The following ARID2 variants were observed in gnomAD, a reference collection of about 807,000 sequenced individuals.
ARID2 encodes AT-rich interaction domain 2.
ARID2 carries 32 observed loss-of-function variants against 184.6 expected under a neutral mutation model. The observed-to-expected ratio is 0.17, with a 90% CI of 0.13 to 0.23. The LOEUF (loss-of-function observed/expected upper bound fraction) is 0.23. Among genes scored for constraint, ARID2 ranks in the 10% least tolerant of loss-of-function variants. ARID2 has a pLI of 1.00. For missense variants in ARID2, 1,696 were observed against 2,197.6 expected, an observed-to-expected ratio of 0.77 and a Z score of 4.56; for synonymous variants, 836 against 772.6, an observed-to-expected ratio of 1.08 and a Z score of -1.36.
intron 3 of ARID2, among the ~76,000 whole-genome samples, chr12:45,749,591 A>G (rs1941420841): frequency 6.6e-6 from 1 of 152,206 alleles, no homozygotes; most frequent in East Asian, 1.9e-4. Context: ...AAAGTCTCAG[A>G]TGGCATCTTC....
chr12:45,786,629 A>G (rs565938518), intron 3 of ARID2, among the ~76,000 whole-genome samples: 1 of 152,240 alleles, frequency 6.6e-6, no homozygotes, highest in East Asian at 1.9e-4. Context: ...CAGCGATCCA[A>G]CTACTGGATA....
In ARID2 at chr12:45,846,875, G is replaced by A. The variant is rs148462633; in HGVS notation, c.1518G>A (p.Ala506=). 1,395 of 1,612,952 alleles carry A rather than the reference G, an allele frequency of 8.6e-4. 16 individuals are homozygous for A. The highest frequency in any genetic ancestry group is 1.8e-3 in the Middle Eastern group (11 of 6,054). Reference sequence around the variant, plus strand: ...CTTTAGCTTCCAGAGCAGTTGTAGCGCAGCATGTTGCTCCACCTCCAGGAA... The same window carrying A: ...CTTTAGCTTCCAGAGCAGTTGTAGCACAGCATGTTGCTCCACCTCCAGGAA... The part of the protein sequence containing the change: ...ASAPASRAVV[A]QHVAPPPGIV... The change falls in exon 12 of 21, where the codon GCG becomes GCA. Residue 506 remains alanine, a synonymous_variant. Coordinates refer to ENST00000334344, the MANE Select transcript of ARID2 (RefSeq NM_152641.4).
rs2138082504 is a variant in ARID2, at chr12:45,811,455, G to A, written c.322G>A (p.Glu108Lys). Residue 108 changes from glutamate to lysine, a missense_variant, in exon 4 of 21, where the codon GAG becomes AAG. Transcript: ENST00000334344. Reference protein sequence around the residue: ...EKYEKVHHFGEDDDEVPPGNP... With the variant: ...EKYEKVHHFGKDDDEVPPGNP... ...GTACGAGAAAGTTCATCATTTTGGG[G>A]AGGATGATGATGAGGTACCACCAGG... is the stretch of plus-strand genomic sequence containing the variant. 6.2e-7 allele frequency: 1 copy of A among 1,613,296 alleles called. No homozygotes were observed. The highest frequency in any genetic ancestry group is 8.5e-7 in the Non-Finnish European group (1 of 1,179,480).
At chr12:45,860,021 C>A (rs928765014) in intron 15 of ARID2, among the ~76,000 whole-genome samples, 1 of 152,128 alleles carries the variant, frequency 6.6e-6, no homozygotes, top group Non-Finnish European at 1.5e-5. Context: ...CATGAACCAC[C>A]GTGCCCAGCC....
At chr12:45,731,581 A>T (rs900707660) in intron 3 of ARID2, among the ~76,000 whole-genome samples, 2 of 152,198 alleles carry the variant, frequency 1.3e-5, no homozygotes, top group Non-Finnish European at 2.9e-5. Context: ...CTTTTGTGAC[A>T]TTGTTATTCA....
chr12:45,758,047 A>G (rs1346136259), intron 3 of ARID2, among the ~76,000 whole-genome samples: 1 of 152,216 alleles, frequency 6.6e-6, no homozygotes, highest in Admixed American at 6.5e-5. Context: ...ATTCTTTGAG[A>G]CAACAAAGCG....
In ARID2 at chr12:45,891,865, GA is replaced by G; in HGVS notation, c.5010del (p.Gly1671ValfsTer30). The G allele has an allele frequency of 6.2e-7, 1 of 1,614,206 alleles. No homozygotes were observed. The highest frequency in any genetic ancestry group is 8.5e-7 in the Non-Finnish European group (1 of 1,180,026). ...TGTATATCCAGGGCAGTGTCTTTGG[GA>G]AGGTTGTGAGCCTTTTCAGCGACAG... Reference protein sequence around the residue: ...KDVYPGQCLWEGCEPFQRQRF... With the variant: ...KDVYPGQCLWXGCEPFQRQRF... On this transcript the variant is annotated frameshift_variant, in exon 17 of 21. Transcript: ENST00000334344. LOFTEE classifies it high-confidence loss of function.
intron 3 of ARID2, among the ~76,000 whole-genome samples, chr12:45,780,203 G>A (rs1942062404): frequency 6.6e-6 from 1 of 152,170 alleles, no homozygotes; most frequent in Non-Finnish European, 1.5e-5. Flanking sequence ...GATACAAACT[G>A]ACAATCATCT....
rs781667350 is a variant in ARID2, at chr12:45,865,774, A to G, written c.4922+4825A>G. On this transcript the variant is annotated intron_variant, in intron 16 of 20. Coordinates refer to ENST00000334344, the MANE Select transcript of ARID2 (RefSeq NM_152641.4). ...CACTGTAACTTTCTTTTCTCATACT[A>G]TAAGAGTAGTTTATTCTAAGAAAAA... is the stretch of plus-strand genomic sequence containing the variant. Among the ~76,000 whole-genome samples, 153 of 152,246 alleles carry G rather than the reference A, an allele frequency of 1.0e-3. 2 individuals carry two copies. Among genetic ancestry groups the G allele is most frequent in the South Asian group, 1.7e-3 (8 of 4,826 alleles).
rs2138167007 is a variant in ARID2, at chr12:45,851,009, A to G, written c.2886A>G (p.Leu962=). The change falls in exon 15 of 21, where the codon CTA becomes CTG. Residue 962 remains leucine, a synonymous_variant. Coordinates refer to ENST00000334344, the MANE Select transcript of ARID2 (RefSeq NM_152641.4). ...AALPAGQTVQ[L]TGQPNITPSS... ...TTCCAGCTGGTCAGACAGTTCAGCT[A>G]ACTGGACAACCTAACATAACTCCAT... The G allele has an allele frequency of 6.2e-7, 1 of 1,614,170 alleles. No homozygotes were observed. Among genetic ancestry groups the G allele is most frequent in the Non-Finnish European group, 8.5e-7 (1 of 1,180,018 alleles).
At chr12:45,839,573 G>T (rs1295190696) in intron 11 of ARID2, 77 bp downstream of exon 11, 2 of 1,495,396 alleles carry the variant, frequency 1.3e-6, no homozygotes, top group South Asian at 2.7e-5. Context: ...ATTTCAATGT[G>T]CAGTATAGAG....
chr12:45,830,358 C>T lies in ARID2; in HGVS notation c.706-6231C>T, dbSNP rs117424056. 5.9e-4 allele frequency among the ~76,000 whole-genome samples: 90 copies of T among 152,172 alleles called. 1 individual carries two copies. In the East Asian group the frequency reaches 0.015, roughly 25 times the overall value. Reference sequence around the variant, plus strand: ...CTGTATTAATTTCTTCATTGATTTTCGGGTAACTCGAGTAGTTACTAAAAC... The same window carrying T: ...CTGTATTAATTTCTTCATTGATTTTTGGGTAACTCGAGTAGTTACTAAAAC... On this transcript the variant is annotated intron_variant, in intron 6 of 20. Coordinates refer to ENST00000334344, the MANE Select transcript of ARID2 (RefSeq NM_152641.4).
chr12:45,797,035 G>A lies in ARID2; in HGVS notation c.285-14383G>A, dbSNP rs1047707277. Among the ~76,000 whole-genome samples the A allele has an allele frequency of 4.6e-5, 7 of 151,866 alleles. 1 individual carries two copies. The highest frequency in any genetic ancestry group is 1.3e-4 in the Admixed American group (2 of 15,236). On this transcript the variant is annotated intron_variant, in intron 3 of 20. Coordinates refer to ENST00000334344, the MANE Select transcript of ARID2 (RefSeq NM_152641.4). ...TTCACATTTTACATCTGTGTTTCTC[G>A]TGTGCATCAAATATTACTTTGTTTT...
chr12:45,891,977 C>T lies in ARID2; in HGVS notation c.5062-34C>T, dbSNP rs138049510. 1.2e-5 allele frequency: 19 copies of T among 1,613,950 alleles called. 2 individuals are homozygous for T. In the African/African-American group the frequency reaches 1.3e-4, roughly 11 times the overall value. Reference sequence around the variant, plus strand: ...CATTTGACTGCATTAAAGATTTTGACGTGCCATTCTCTTGCTTCCTCTTCC... The same window carrying T: ...CATTTGACTGCATTAAAGATTTTGATGTGCCATTCTCTTGCTTCCTCTTCC... On this transcript the variant is annotated intron_variant, in intron 17 of 20. Transcript: ENST00000334344.
intron 6 of ARID2, among the ~76,000 whole-genome samples, chr12:45,830,288 A>G (rs1343628515): frequency 6.6e-6 from 1 of 152,016 alleles, no homozygotes; most frequent in Non-Finnish European, 1.5e-5. Context: ...CCACTACTCT[A>G]TTGCAATTGC....
chr12:45,750,544 AGCACAATAAAATGAG>A, intron 3 of ARID2, among the ~76,000 whole-genome samples: 1 of 152,204 alleles, frequency 6.6e-6, no homozygotes, highest in Non-Finnish European at 1.5e-5. Flanking sequence ...ATATCTGGAA[AGCACAATAAAATGAG>A]GCACAATAAA....
At position 45,775,217 on chromosome 12, in the gene ARID2, C is replaced by T. The variant is rs191235319; in HGVS notation, c.285-36201C>T. Among the ~76,000 whole-genome samples the T allele has an allele frequency of 2.6e-3, 389 of 152,232 alleles. 2 individuals carry two copies. Among genetic ancestry groups the T allele is most frequent in the African/African-American group, 8.2e-3 (340 of 41,536 alleles). On this transcript the variant is annotated intron_variant, in intron 3 of 20. Transcript: ENST00000334344. ...ATATTTTCATGCTAGTACTTTAGGACGTAAGCTGACAACCAGAATGTCTAG... is the reference window on the plus strand; with the variant it reads ...ATATTTTCATGCTAGTACTTTAGGATGTAAGCTGACAACCAGAATGTCTAG...
chr12:45,733,081 CTTAG>C (rs1460615425), intron 3 of ARID2, among the ~76,000 whole-genome samples: 1 of 152,068 alleles, frequency 6.6e-6, no homozygotes, highest in African/African-American at 2.4e-5. Flanking sequence ...GAACTATGTC[CTTAG>C]TTAAACTTGT....
chr12:45,770,270 A>G (rs1367425782), intron 3 of ARID2, among the ~76,000 whole-genome samples: 1 of 152,130 alleles, frequency 6.6e-6, no homozygotes, highest in African/African-American at 2.4e-5. Flanking sequence ...AAAACAAAAA[A>G]CAAGAAGGCA....
Sources: allele counts gnomAD v4.1 joint callset (sites outside exome capture counted in the v4.1 genomes callset), GRCh38; gene constraint gnomAD v4.1.1; transcripts MANE v1.5; gene names NCBI Gene and HGNC (gene_info 2026-07-23, HGNC 2026-07-21).